TCF7L2: variants seen among roughly 807,000 people sequenced by gnomAD.
TCF7L2 encodes transcription factor 7 like 2, also known as transcription factor 7-like 2.
TCF7L2 carries 23 observed loss-of-function variants against 77.9 expected under a neutral mutation model. That is an observed-to-expected ratio of 0.30 (90% CI 0.21 to 0.42). TCF7L2 has a LOEUF of 0.42. Among genes scored for constraint, TCF7L2 ranks in the 10% least tolerant of loss-of-function variants. TCF7L2 has a pLI of 1.00. For missense variants in TCF7L2, 654 were observed against 793.1 expected, an observed-to-expected ratio of 0.82 and a Z score of 2.11; for synonymous variants, 413 against 340.2, an observed-to-expected ratio of 1.21 and a Z score of -2.36.
chr10:113,073,048 C>A (rs556044581), intron 5 of TCF7L2, among the ~76,000 whole-genome samples: 1 of 149,558 alleles, frequency 6.7e-6, no homozygotes, highest in East Asian at 2.0e-4. Flanking sequence ...TGGAAGTGGA[C>A]CCTAGTTAGG....
chr10:113,039,722 C>T (rs1373423908), intron 4 of TCF7L2, among the ~76,000 whole-genome samples: 1 of 152,060 alleles, frequency 6.6e-6, no homozygotes, highest in African/African-American at 2.4e-5. Flanking sequence ...TCCCCTCCAG[C>T]CCCCACCAAG....
At chr10:113,163,538 G>A (rs183830743) in intron 13 of TCF7L2, among the ~76,000 whole-genome samples, 2 of 151,972 alleles carry the variant, frequency 1.3e-5, no homozygotes, top group Non-Finnish European at 2.9e-5. Flanking sequence ...AAAATGCATG[G>A]ACATCTTAGT....
At chr10:113,126,934 G>GC (rs2065739795) in intron 5 of TCF7L2, 1 of 984,654 alleles carries the variant, frequency 1.0e-6, no homozygotes, top group Admixed American at 6.2e-5. Context: ...TGGCCGGCCC[G>GC]CTGCATCCCG....
intron 4 of TCF7L2, among the ~76,000 whole-genome samples, chr10:113,031,031 C>A (rs540082486): frequency 6.6e-6 from 1 of 152,320 alleles, no homozygotes; most frequent in South Asian, 2.1e-4. Flanking sequence ...TGCCTGGGCA[C>A]CCATTGGCCA....
chr10:113,036,219 A>G (rs1229389848), intron 4 of TCF7L2, among the ~76,000 whole-genome samples: 3 of 151,940 alleles, frequency 2.0e-5, no homozygotes, highest in Non-Finnish European at 4.4e-5. Context: ...AGCCCCCAGT[A>G]GCAGCTGTAA....
At chr10:113,047,319 G>T (rs532373919) in intron 5 of TCF7L2, among the ~76,000 whole-genome samples, 1 of 152,186 alleles carries the variant, frequency 6.6e-6, no homozygotes, top group Non-Finnish European at 1.5e-5. Context: ...TGGTTGGAAT[G>T]ATTTTAATGT....
intron 5 of TCF7L2, among the ~76,000 whole-genome samples, chr10:113,104,343 G>C (rs1252162485): frequency 6.6e-6 from 1 of 152,304 alleles, no homozygotes; most frequent in East Asian, 1.9e-4. Context: ...TTTATGGGTT[G>C]TTGGCAAGCA....
intron 5 of TCF7L2, among the ~76,000 whole-genome samples, chr10:113,088,360 G>C (rs1224181118): frequency 6.6e-6 from 1 of 152,084 alleles, no homozygotes; most frequent in African/African-American, 2.4e-5. Flanking sequence ...CCTTGGGCAT[G>C]CTCCTTACAG....
At position 113,160,754 on chromosome 10, in the gene TCF7L2, G is replaced by A. The variant is rs533612780; in HGVS notation, c.1391+63G>A. 8 of 1,460,268 alleles carry A rather than the reference G, an allele frequency of 5.5e-6. No individual in the cohort carries two copies. The East Asian group carries it at 7.6e-5, about 14-fold the overall frequency. The allele number at this position is 1,460,268 out of a possible 1,614,324, so 90.5% of individuals were successfully genotyped here. On this transcript the variant is annotated intron_variant, in intron 13 of 13. Coordinates refer to ENST00000627217, the MANE Select transcript of TCF7L2 (RefSeq NM_001146274.2). ...CATTCTGTCCTTCCGGTACCTTAGC[G>A]TGATAATTTATTTTGACCTCGTTCC...
At chr10:113,113,140 C>T (rs995479761) in intron 5 of TCF7L2, among the ~76,000 whole-genome samples, 1 of 152,020 alleles carries the variant, frequency 6.6e-6, no homozygotes, top group Non-Finnish European at 1.5e-5. Context: ...AACCAAAAAC[C>T]CAAACACTGG....
At position 113,013,625 on chromosome 10, in the gene TCF7L2, G is replaced by C. The variant is rs76672270; in HGVS notation, c.451-26400G>C. On this transcript the variant is annotated intron_variant, in intron 4 of 13. Transcript: ENST00000627217. ...GAAGATAAGCTTTGATTAAAGATTT[G>C]GGGTCAGCAGAAAGAAATGTTAGGT... is the stretch of plus-strand genomic sequence containing the variant. 3.1e-4 allele frequency among the ~76,000 whole-genome samples: 47 copies of C among 152,250 alleles called. No homozygotes were observed. In the East Asian group the frequency reaches 7.7e-3, roughly 25 times the overall value.
Position 113,165,787 on chromosome 10 carries a change from G to A in TCF7L2, c.1624G>A (p.Glu542Lys), listed in dbSNP as rs1260952895. ...TCCGCCACCCGCCCTCCTGCTCGCTGAGGCCACCCACAAGGCCTCCGCCCT... is the reference window on the plus strand; with the variant it reads ...TCCGCCACCCGCCCTCCTGCTCGCTAAGGCCACCCACAAGGCCTCCGCCCT... The change falls in exon 14 of 14, where the codon GAG (glutamate) becomes AAG (lysine). Residue 542 changes from glutamate (E) to lysine (K), a missense_variant. Glu to Lys is a moderately conservative substitution (Grantham distance 56). This residue lies in a region of TCF7L2 where 272 missense variants were observed against 215.4 expected (regional missense o/e 1.26). Transcript: ENST00000627217. 1 of 1,605,490 alleles carries A rather than the reference G, an allele frequency of 6.2e-7. No homozygotes were observed. The highest frequency in any genetic ancestry group is 1.7e-5 in the Admixed American group (1 of 59,112).
chr10:113,007,751 G>A (rs547432967), intron 4 of TCF7L2, among the ~76,000 whole-genome samples: 3 of 152,308 alleles, frequency 2.0e-5, no homozygotes, highest in East Asian at 3.9e-4. Flanking sequence ...GAAGATGTTT[G>A]TAGGAGGGCA....
chr10:112,997,671 C>T (rs572929152), intron 4 of TCF7L2, among the ~76,000 whole-genome samples: 1 of 152,348 alleles, frequency 6.6e-6, no homozygotes, highest in African/African-American at 2.4e-5. Context: ...CTTTGTAAAA[C>T]ATCTCCCTGG....
At chr10:112,964,819 G>GGGGGC (rs1554875128) in intron 4 of TCF7L2, among the ~76,000 whole-genome samples, 195 bp downstream of exon 4, 1 of 138,588 alleles carries the variant, frequency 7.2e-6, no homozygotes, top group Non-Finnish European at 1.6e-5. Context: ...TGGTGGGGGG[G>GGGGGC]GGTTGAATCA....
At chr10:113,141,483 G>A (rs1035374911) in intron 6 of TCF7L2, among the ~76,000 whole-genome samples, 167 bp downstream of exon 6, 2 of 152,164 alleles carry the variant, frequency 1.3e-5, no homozygotes, top group African/African-American at 4.8e-5. Context: ...AAGCTCTTTG[G>A]GGTGGTTGAG....
At chr10:113,036,115 CCATCATCATCATCAT>C (rs71869784) in intron 4 of TCF7L2, among the ~76,000 whole-genome samples, 2,658 of 146,566 alleles carry the variant, frequency 0.018, 70 homozygotes, top group African/African-American at 0.062. Flanking sequence ...ATCATCATCA[CCATCATCATCATCAT>C]CATCATCATC....
chr10:113,016,312 C>A (rs550769077), intron 4 of TCF7L2, among the ~76,000 whole-genome samples: 1 of 152,088 alleles, frequency 6.6e-6, no homozygotes, highest in African/African-American at 2.4e-5. Context: ...AGGGATCAGC[C>A]CACCTCGGCC....
intron 4 of TCF7L2, among the ~76,000 whole-genome samples, chr10:113,013,786 T>A (rs192751272): frequency 6.6e-6 from 1 of 152,304 alleles, no homozygotes; most frequent in East Asian, 1.9e-4. Flanking sequence ...GTGGGGTCCA[T>A]CTTTCTGAAA....
Sources: gnomAD v4.1 joint callset for allele counts (sites outside exome capture counted in the v4.1 genomes callset) on GRCh38, gnomAD v4.1.1 for gene constraint, gnomAD v4.1.1 regional missense constraint, MANE v1.5 for transcripts, NCBI Gene and HGNC (gene_info 2026-07-23, HGNC 2026-07-21) for gene names.